Variants in FGGY observed in about 807,000 individuals in gnomAD.
FGGY encodes FGGY carbohydrate kinase domain containing, also known as FGGY carbohydrate kinase domain-containing protein.
In FGGY, 72 loss-of-function variants were observed where a neutral mutation model predicts 71.3. That is an observed-to-expected ratio of 1.01 (90% CI 0.84 to 1.23). The LOEUF is 1.23. Ranked by LOEUF, FGGY falls within the 50% of genes most tolerant of loss-of-function variation. The probability of loss-of-function intolerance (pLI) is 0.00; values close to 1 mark genes in which losing one functional copy is unlikely to be tolerated. For synonymous variants in FGGY, 251 were observed against 250.3 expected, an observed-to-expected ratio of 1.00 and a Z score of -0.02; for missense variants, 668 against 682.3, an observed-to-expected ratio of 0.98 and a Z score of 0.23.
chr1:59,303,205 A>G (rs1361923456), intron 1 of FGGY, among the ~76,000 whole-genome samples: 1 of 152,232 alleles, frequency 6.6e-6, no homozygotes, highest in Non-Finnish European at 1.5e-5. Context: ...ACTATGTTGT[A>G]CATTAGATCT....
At chr1:59,359,642 G>A (rs2055023163) in intron 4 of FGGY, among the ~76,000 whole-genome samples, 1 of 152,114 alleles carries the variant, frequency 6.6e-6, no homozygotes, top group Non-Finnish European at 1.5e-5. Flanking sequence ...CATCCAGAAT[G>A]GCCACTCTGG....
At chr1:59,533,696 C>G (rs1570801616) in intron 7 of FGGY, among the ~76,000 whole-genome samples, 1 of 146,296 alleles carries the variant, frequency 6.8e-6, no homozygotes, top group East Asian at 2.0e-4. Context: ...ACCCCTGAAC[C>G]CCGAGCAGCC....
chr1:59,306,058 T>A (rs2043389160), intron 1 of FGGY, among the ~76,000 whole-genome samples: 1 of 152,196 alleles, frequency 6.6e-6, no homozygotes, highest in African/African-American at 2.4e-5. Context: ...GAAGGACTTA[T>A]CTCATTTTTT....
chr1:59,716,779 G>A (rs562647930), intron 14 of FGGY, among the ~76,000 whole-genome samples: 1 of 152,306 alleles, frequency 6.6e-6, no homozygotes, highest in South Asian at 2.1e-4. Context: ...TGCCTTGAAT[G>A]ACAGACTGAA....
chr1:59,713,859 C>G (rs1179174101), intron 14 of FGGY, among the ~76,000 whole-genome samples: 1 of 152,190 alleles, frequency 6.6e-6, no homozygotes. Flanking sequence ...TTGTTGCATA[C>G]TTCAGTATTT....
intron 14 of FGGY, chr1:59,698,803 G>C: frequency 1.0e-6 from 1 of 985,346 alleles, no homozygotes; most frequent in Non-Finnish European, 1.2e-6. Flanking sequence ...CATTGAGTGC[G>C]TGTACTTAAT....
intron 11 of FGGY, among the ~76,000 whole-genome samples, chr1:59,654,004 T>C (rs2097195487): frequency 6.6e-6 from 1 of 152,234 alleles, no homozygotes; most frequent in African/African-American, 2.4e-5. Flanking sequence ...GGCTATTAAA[T>C]AATTCTATCT....
intron 10 of FGGY, 23 bp downstream of exon 10, chr1:59,626,072 C>G: frequency 1.9e-6 from 3 of 1,607,008 alleles, no homozygotes; most frequent in Middle Eastern, 3.3e-4. Context: ...TCTGTTCCCT[C>G]TAAAATTTTC....
Position 59,660,266 on chromosome 1 carries a change from C to A in FGGY, c.1269C>A (p.Leu423=). Residue 423 remains leucine, a synonymous_variant, in exon 12 of 16, where the codon CTC becomes CTA. Coordinates refer to ENST00000303721, the MANE Select transcript of FGGY (RefSeq NM_018291.5). ...LSQDLDDLAI[L]YLATVQAIAL... ...AGGACCTTGATGATCTTGCCATTCT[C>A]TACCTGGCCACAGTTCAAGCCATTG... is the stretch of plus-strand genomic sequence containing the variant. The A allele has an allele frequency of 6.2e-7, 1 of 1,613,436 alleles. No homozygotes were observed. The highest frequency in any genetic ancestry group is 8.5e-7 in the Non-Finnish European group (1 of 1,180,004).
intron 6 of FGGY, among the ~76,000 whole-genome samples, chr1:59,481,958 C>T (rs1051261149): frequency 1.3e-5 from 2 of 152,130 alleles, no homozygotes; most frequent in African/African-American, 2.4e-5. Flanking sequence ...TTATAGAATC[C>T]TATTTCCTGA....
intron 5 of FGGY, among the ~76,000 whole-genome samples, chr1:59,400,700 A>T (rs1265045303): frequency 1.3e-5 from 2 of 152,084 alleles, no homozygotes; most frequent in African/African-American, 4.8e-5. Context: ...ACTATGAGGA[A>T]TTCCCAAATA....
At chr1:59,357,871 C>T (rs2054634507) in intron 4 of FGGY, among the ~76,000 whole-genome samples, 1 of 152,204 alleles carries the variant, frequency 6.6e-6, no homozygotes, top group Non-Finnish European at 1.5e-5. Context: ...GACGGCTGTG[C>T]AGGGATGTTG....
intron 6 of FGGY, among the ~76,000 whole-genome samples, chr1:59,501,136 T>G (rs2094210999): frequency 6.6e-6 from 1 of 152,186 alleles, no homozygotes; most frequent in Non-Finnish European, 1.5e-5. Flanking sequence ...AGTCAGCAGT[T>G]TGCAAACAGT....
chr1:59,389,328 C>A (rs2153373370), intron 5 of FGGY, among the ~76,000 whole-genome samples: 1 of 152,270 alleles, frequency 6.6e-6, no homozygotes, highest in South Asian at 2.1e-4. Context: ...TAGTATTTAT[C>A]CTTTTGCGTC....
At chr1:59,761,251 G>A (rs940199277) in intron 15 of FGGY, among the ~76,000 whole-genome samples, 8 of 152,080 alleles carry the variant, frequency 5.3e-5, no homozygotes, top group Admixed American at 6.5e-5. Context: ...TTTGGAGTTC[G>A]CCTTTTAACC....
At chr1:59,547,822 C>T (rs564137697) in intron 7 of FGGY, among the ~76,000 whole-genome samples, 4 of 152,128 alleles carry the variant, frequency 2.6e-5, no homozygotes, top group Non-Finnish European at 4.4e-5. Context: ...AGCCTTTGTC[C>T]GTGATTAAAT....
chr1:59,416,546 G>T (rs2064459691), intron 5 of FGGY, among the ~76,000 whole-genome samples: 1 of 152,170 alleles, frequency 6.6e-6, no homozygotes, highest in Admixed American at 6.5e-5. Flanking sequence ...AACACAAATA[G>T]TCTTGATTTC....
chr1:59,473,590 T>C (rs530180112), intron 6 of FGGY, among the ~76,000 whole-genome samples: 223 of 152,218 alleles, frequency 1.5e-3, no homozygotes, highest in Non-Finnish European at 2.6e-3. Flanking sequence ...GTGTGTGAAC[T>C]GTTGGGTGTG....
chr1:59,656,219 A>C (rs1572741934), intron 11 of FGGY, among the ~76,000 whole-genome samples: 1 of 152,222 alleles, frequency 6.6e-6, no homozygotes, highest in Admixed American at 6.5e-5. Flanking sequence ...CAAAATAGGC[A>C]CAGGCACATC....
Sources: gnomAD v4.1 joint callset for allele counts (sites outside exome capture counted in the v4.1 genomes callset) on GRCh38, gnomAD v4.1.1 for gene constraint, MANE v1.5 for transcripts, NCBI Gene and HGNC (gene_info 2026-07-23, HGNC 2026-07-21) for gene names.